ADGRL3: variants seen among roughly 807,000 people sequenced by gnomAD.
ADGRL3 encodes the protein calcium-independent alpha-latrotoxin receptor 3.
Under a neutral mutation model 153.5 loss-of-function variants are expected in ADGRL3, and 62 were observed. That is an observed-to-expected ratio of 0.40 (90% CI 0.33 to 0.50). ADGRL3 has a LOEUF of 0.50. Ranked by LOEUF, ADGRL3 falls within the 20% of genes least tolerant of loss-of-function variation. The pLI is 0.47. For missense variants in ADGRL3, 1,641 were observed against 1,859.4 expected (o/e 0.88, Z 2.16); for synonymous variants, 710 against 672.5 (o/e 1.06, Z -0.86).
At chr4:61,893,111 CT>C (rs1201491380) in intron 10 of ADGRL3, among the ~76,000 whole-genome samples, 153 bp downstream of exon 10, 9 of 50,554 alleles carry the variant, frequency 1.8e-4, no homozygotes, top group African/African-American at 4.4e-4. Flanking sequence ...TTCCTTCCTT[CT>C]TTCTTTCTCT....
chr4:61,504,635 A>G (rs1000190012), intron 3 of ADGRL3, among the ~76,000 whole-genome samples: 2 of 152,126 alleles, frequency 1.3e-5, no homozygotes, highest in South Asian at 2.1e-4. Flanking sequence ...CCAACTAACC[A>G]TCTTCTCTTC....
Position 62,072,573 on chromosome 4 carries a change from A to G in ADGRL3, c.*1665A>G, listed in dbSNP as rs566983255. 15 of 152,538 alleles carry G rather than the reference A, an allele frequency of 9.8e-5. No individual in the cohort carries two copies. The highest frequency in any genetic ancestry group is 3.6e-4 in the African/African-American group (15 of 41,580). The allele number at this position is 152,538 out of a possible 1,614,324, so 9.4% of individuals were successfully genotyped here. The stretch of plus-strand genomic sequence containing the variant: ...CAAATGAGCCATGCAAAAGAAATCA[A>G]TCTGCCTAGATGAATAAGCTAAGCA... On this transcript the variant is annotated 3_prime_UTR_variant, in exon 27 of 27. Coordinates refer to ENST00000683033, the MANE Select transcript of ADGRL3 (RefSeq NM_001387552.1).
Position 61,604,332 on chromosome 4 carries a change from A to G in ADGRL3, c.473+16892A>G, listed in dbSNP as rs377180949. Among the ~76,000 whole-genome samples the G allele has an allele frequency of 3.9e-5, 6 of 152,228 alleles. No individual in the cohort carries two copies. In the East Asian group the frequency reaches 5.8e-4, roughly 15 times the overall value. Reference sequence around the variant, plus strand: ...TTAAAATGATATAGAAGCATGAGCCATGCTTATACTAACTATAACTTTTAA... The same window carrying G: ...TTAAAATGATATAGAAGCATGAGCCGTGCTTATACTAACTATAACTTTTAA... On this transcript the variant is annotated intron_variant, in intron 5 of 26. Transcript: ENST00000683033.
chr4:61,957,202 CTT>C (rs1024278105), intron 17 of ADGRL3, among the ~76,000 whole-genome samples: 1 of 152,058 alleles, frequency 6.6e-6, no homozygotes, highest in African/African-American at 2.4e-5. Context: ...TATGTCCTCT[CTT>C]ATTTCTTTGA....
chr4:61,555,375 T>A (rs1182345326), intron 4 of ADGRL3, among the ~76,000 whole-genome samples: 1 of 152,192 alleles, frequency 6.6e-6, no homozygotes, highest in Admixed American at 6.5e-5. Flanking sequence ...ACCTAAAAGA[T>A]AGCAGAAATG....
chr4:61,654,728 C>G (rs1045342307), intron 5 of ADGRL3, among the ~76,000 whole-genome samples: 4 of 151,930 alleles, frequency 2.6e-5, no homozygotes, highest in African/African-American at 9.7e-5. Flanking sequence ...GAAACCCCAT[C>G]TCTACTAAAA....
intron 4 of ADGRL3, chr4:61,579,759 C>CT: frequency 3.4e-6 from 1 of 294,064 alleles, no homozygotes; most frequent in African/African-American, 2.3e-5. Context: ...TTTGGTTATT[C>CT]TTTTTTAATT....
intron 5 of ADGRL3, among the ~76,000 whole-genome samples, chr4:61,656,809 T>C (rs534609846): frequency 6.6e-5 from 10 of 152,294 alleles, no homozygotes; most frequent in Middle Eastern, 3.4e-3. Flanking sequence ...TGCTTGCTAG[T>C]TGACTAATTG....
intron 4 of ADGRL3, among the ~76,000 whole-genome samples, chr4:61,558,202 C>T (rs1369481681): frequency 2.7e-5 from 3 of 112,818 alleles, no homozygotes; most frequent in African/African-American, 1.1e-4. Context: ...ATATGATTTA[C>T]ACTGTGTCTT....
intron 6 of ADGRL3, among the ~76,000 whole-genome samples, chr4:61,686,610 G>A (rs2151061112): frequency 6.6e-6 from 1 of 151,996 alleles, no homozygotes; most frequent in East Asian, 1.9e-4. Context: ...AGCATATACA[G>A]CACTTCAGAA....
intron 6 of ADGRL3, among the ~76,000 whole-genome samples, chr4:61,719,903 C>G (rs1057483793): frequency 3.9e-5 from 6 of 151,958 alleles, no homozygotes; most frequent in East Asian, 1.9e-4. Context: ...GCTCCCGCCC[C>G]CTGTCAGACA....
intron 1 of ADGRL3, among the ~76,000 whole-genome samples, chr4:61,343,516 C>A (rs1367885973): frequency 2.0e-5 from 3 of 152,154 alleles, no homozygotes; most frequent in African/African-American, 7.2e-5. Context: ...GGCTCTGGTC[C>A]TGTCTCGTGC....
chr4:62,051,507 G>GAA (rs140065634), intron 25 of ADGRL3, among the ~76,000 whole-genome samples: 3,972 of 147,766 alleles, frequency 0.027, 81 homozygotes, highest in Middle Eastern at 0.041. Context: ...ATCTGAAAAA[G>GAA]AAAAAAAAAA....
intron 8 of ADGRL3, among the ~76,000 whole-genome samples, chr4:61,804,159 A>G (rs888655147): frequency 5.3e-5 from 8 of 152,162 alleles, no homozygotes; most frequent in Admixed American, 3.3e-4. Flanking sequence ...GAGAATATCC[A>G]TATTTTTTAA....
chr4:62,054,475 A>G (rs996964816), intron 25 of ADGRL3, among the ~76,000 whole-genome samples: 3 of 151,726 alleles, frequency 2.0e-5, no homozygotes, highest in Non-Finnish European at 4.4e-5. Context: ...GTCATTGAAT[A>G]TCTAATGACA....
intron 1 of ADGRL3, among the ~76,000 whole-genome samples, chr4:61,316,400 G>A (rs2095215407): frequency 6.6e-6 from 1 of 152,124 alleles, no homozygotes; most frequent in African/African-American, 2.4e-5. Flanking sequence ...AGACGTCAGA[G>A]CAAGAAATTT....
chr4:61,725,520 G>A (rs1346287558), intron 6 of ADGRL3, among the ~76,000 whole-genome samples: 9 of 151,524 alleles, frequency 5.9e-5, no homozygotes, highest in African/African-American at 2.2e-4. Flanking sequence ...GTGTGAACCC[G>A]GGAGGCAGAG....
At chr4:61,568,426 T>G (rs2098825168) in intron 4 of ADGRL3, among the ~76,000 whole-genome samples, 1 of 152,142 alleles carries the variant, frequency 6.6e-6, no homozygotes. Context: ...TCTTTTCTCT[T>G]TGAAATTCAT....
intron 1 of ADGRL3, among the ~76,000 whole-genome samples, chr4:61,374,047 C>G (rs2096573514): frequency 6.6e-6 from 1 of 151,992 alleles, no homozygotes; most frequent in South Asian, 2.1e-4. Flanking sequence ...TCTGTAATGC[C>G]AGTATTACCT....
Sources: allele counts gnomAD v4.1 joint callset (sites outside exome capture counted in the v4.1 genomes callset), GRCh38; gene constraint gnomAD v4.1.1; transcripts MANE v1.5; gene names NCBI Gene and HGNC (gene_info 2026-07-23, HGNC 2026-07-21).